Variants in CNTN4 observed in about 807,000 individuals in gnomAD.
The protein encoded by CNTN4 is contactin-4.
CNTN4 carries 77 observed loss-of-function variants against 122.5 expected under a neutral mutation model. That is an observed-to-expected ratio of 0.63 (90% CI 0.52 to 0.76). The LOEUF is 0.76. Among genes scored for constraint, CNTN4 ranks in the 30% least tolerant of loss-of-function variants. CNTN4 has a pLI of 0.00. For synonymous variants in CNTN4, 512 were observed against 447.0 expected (o/e 1.15, Z -1.83); for missense variants, 1,256 against 1,259.1 (o/e 1.00, Z 0.04).
chr3:2,120,389 ATATATATATATATATATT>A (rs2033669857), intron 2 of CNTN4, among the ~76,000 whole-genome samples: 6 of 27,856 alleles, frequency 2.2e-4, no homozygotes, highest in African/African-American at 4.7e-4. Context: ...ATATATATAT[ATATATATATATATATATT>A]TTTTTTTTTT....
intron 6 of CNTN4, among the ~76,000 whole-genome samples, chr3:2,808,063 C>T (rs1451525934): frequency 2.0e-5 from 3 of 152,052 alleles, no homozygotes; most frequent in South Asian, 2.1e-4. Flanking sequence ...TTCACTGCCT[C>T]GGTTTATATT....
intron 16 of CNTN4, among the ~76,000 whole-genome samples, chr3:3,033,876 A>G (rs932062975): frequency 3.3e-5 from 5 of 152,214 alleles, no homozygotes; most frequent in Non-Finnish European, 7.3e-5. Flanking sequence ...TGGTTTAAGT[A>G]CATGGACAGA....
chr3:2,746,889 A>C (rs1170663996), intron 6 of CNTN4, among the ~76,000 whole-genome samples: 4 of 152,188 alleles, frequency 2.6e-5, no homozygotes, highest in Non-Finnish European at 5.9e-5. Flanking sequence ...ACAGAACCAA[A>C]GTGTTTCTTT....
chr3:2,727,938 G>A (rs1031014769), intron 4 of CNTN4, among the ~76,000 whole-genome samples: 2 of 152,226 alleles, frequency 1.3e-5, no homozygotes, highest in Non-Finnish European at 2.9e-5. Context: ...AAGCAGGCAT[G>A]TCTGTCTCCT....
At chr3:2,193,010 G>A (rs2037657705) in intron 2 of CNTN4, among the ~76,000 whole-genome samples, 1 of 152,040 alleles carries the variant, frequency 6.6e-6, no homozygotes, top group Admixed American at 6.6e-5. Flanking sequence ...CCCTCTCTCT[G>A]ATTTCCTTAT....
intron 3 of CNTN4, among the ~76,000 whole-genome samples, chr3:2,478,034 C>G (rs1468355114): frequency 6.6e-6 from 1 of 152,122 alleles, no homozygotes; most frequent in African/African-American, 2.4e-5. Flanking sequence ...TAGAAAATAC[C>G]TTGAAATAGA....
intron 2 of CNTN4, among the ~76,000 whole-genome samples, chr3:2,304,303 T>C (rs1181782262): frequency 6.6e-6 from 1 of 152,216 alleles, no homozygotes; most frequent in Non-Finnish European, 1.5e-5. Context: ...TTAGTTACAA[T>C]GCTCAATCTT....
intron 2 of CNTN4, among the ~76,000 whole-genome samples, chr3:2,274,755 GTACA>G (rs1208296394): frequency 6.6e-6 from 1 of 152,176 alleles, no homozygotes; most frequent in African/African-American, 2.4e-5. Context: ...CAGGAATTCT[GTACA>G]TAAATACTGA....
rs148680440 is a variant in CNTN4 at position 2,185,208 on chromosome 3, G to C, written c.-145+84569G>C. Among the ~76,000 whole-genome samples, 226 of 152,226 alleles carry C rather than the reference G, an allele frequency of 1.5e-3. 1 individual carries two copies. Among genetic ancestry groups the C allele is most frequent in the Non-Finnish European group, 1.8e-3 (122 of 68,014 alleles). On this transcript the variant is annotated intron_variant, in intron 2 of 24. Coordinates refer to ENST00000418658, the MANE Select transcript of CNTN4 (RefSeq NM_175607.3). ...TTGGGATGTATCCACTGAGACAAAT[G>C]ACTCATCCATTCTCTGAATTTAGTT...
chr3:2,492,394 A>G (rs1408148532), intron 3 of CNTN4, among the ~76,000 whole-genome samples: 1 of 152,158 alleles, frequency 6.6e-6, no homozygotes, highest in Non-Finnish European at 1.5e-5. Flanking sequence ...GCAGTAATCT[A>G]AAGACATTGG....
intron 12 of CNTN4, among the ~76,000 whole-genome samples, chr3:2,922,024 C>T (rs546977491): frequency 6.6e-6 from 1 of 152,264 alleles, no homozygotes; most frequent in South Asian, 2.1e-4. Context: ...ACCCATAATA[C>T]AGTTCATTCT....
chr3:2,952,990 C>G (rs1043483650), intron 13 of CNTN4, among the ~76,000 whole-genome samples: 1 of 152,206 alleles, frequency 6.6e-6, no homozygotes, highest in Non-Finnish European at 1.5e-5. Context: ...TCATTTTGCA[C>G]TTGAAGGAAC....
chr3:2,535,984 G>A (rs773459007), intron 3 of CNTN4, among the ~76,000 whole-genome samples: 16 of 152,174 alleles, frequency 1.1e-4, no homozygotes, highest in Non-Finnish European at 1.5e-4. Flanking sequence ...CAAGCCCACC[G>A]TTTTGCTATT....
chr3:2,615,950 A>G (rs1426726331), intron 4 of CNTN4, among the ~76,000 whole-genome samples: 1 of 152,188 alleles, frequency 6.6e-6, no homozygotes, highest in East Asian at 1.9e-4. Context: ...AACTTTTAAA[A>G]TACCATAAAT....
intron 3 of CNTN4, among the ~76,000 whole-genome samples, chr3:2,396,853 T>A (rs936360748): frequency 3.9e-5 from 6 of 152,084 alleles, no homozygotes; most frequent in Admixed American, 3.9e-4. Flanking sequence ...ACCTTATCAG[T>A]TATAATCTAA....
rs1553627588 is a variant in CNTN4 at position 2,340,719 on chromosome 3, A to AGAGAGAGAGAGAGGGG, written c.-89+1499_-89+1500insGGGGAGAGAGAGAGAG. Among the ~76,000 whole-genome samples, 149 of 134,862 alleles carry AGAGAGAGAGAGAGGGG rather than the reference A, an allele frequency of 1.1e-3. 2 individuals carry two copies. Among genetic ancestry groups the AGAGAGAGAGAGAGGGG allele is most frequent in the African/African-American group, 3.6e-3 (136 of 37,642 alleles). The allele number at this position is 134,862 out of a possible 152,430, so 88.5% of individuals were successfully genotyped here. Reference sequence around the variant, plus strand: ...TATATATATATATATATAGAGAGAGAGAGAGAGAGAGAGAGAGAGAGTCAG... The same window carrying AGAGAGAGAGAGAGGGG: ...TATATATATATATATATAGAGAGAGAGAGAGAGAGAGAGGGGGAGAGAGAGAGAGAGAGAGAGTCAG... On this transcript the variant is annotated intron_variant, in intron 3 of 24. Coordinates refer to ENST00000418658, the MANE Select transcript of CNTN4 (RefSeq NM_175607.3).
chr3:2,284,345 A>C (rs2041830625), intron 2 of CNTN4, among the ~76,000 whole-genome samples: 2 of 152,144 alleles, frequency 1.3e-5, no homozygotes, highest in Admixed American at 1.3e-4. Flanking sequence ...ATTTTAGGCC[A>C]ATCTATAGTA....
chr3:2,373,571 G>T (rs1166008420), intron 3 of CNTN4, among the ~76,000 whole-genome samples: 1 of 152,142 alleles, frequency 6.6e-6, no homozygotes, highest in East Asian at 1.9e-4. Context: ...CCCCACCTAA[G>T]AATCTAGTTT....
intron 3 of CNTN4, among the ~76,000 whole-genome samples, chr3:2,388,841 T>A (rs1054243974): frequency 3.3e-5 from 5 of 150,428 alleles, no homozygotes; most frequent in Admixed American, 6.6e-5. Flanking sequence ...CTAGATTCTG[T>A]CTCAAACAAA....
Sources: gnomAD v4.1 joint callset for allele counts (sites outside exome capture counted in the v4.1 genomes callset) on GRCh38, gnomAD v4.1.1 for gene constraint, MANE v1.5 for transcripts, NCBI Gene and HGNC (gene_info 2026-07-23, HGNC 2026-07-21) for gene names.